The following DLGAP1 variants were observed in gnomAD, a reference collection of about 807,000 sequenced individuals.
DLGAP1 encodes the protein DLG associated protein 1.
In DLGAP1, 11 loss-of-function variants were observed where a neutral mutation model predicts 90.8. That is an observed-to-expected ratio of 0.12 (90% CI 0.08 to 0.20). The LOEUF (loss-of-function observed/expected upper bound fraction) is 0.20, where lower values mean the gene tolerates loss of function less well. Among genes scored for constraint, DLGAP1 ranks in the 10% least tolerant of loss-of-function variants. DLGAP1 has a pLI of 1.00. For missense variants in DLGAP1, 1,050 were observed against 1,333.8 expected, an observed-to-expected ratio of 0.79 and a Z score of 3.31; for synonymous variants, 558 against 540.7, an observed-to-expected ratio of 1.03 and a Z score of -0.44.
At chr18:3,633,994 A>G (rs553850668) in intron 7 of DLGAP1, among the ~76,000 whole-genome samples, 81 of 152,220 alleles carry the variant, frequency 5.3e-4, no homozygotes, top group Non-Finnish European at 1.0e-3. Flanking sequence ...AAGTAAAAAG[A>G]GCAATTTGCC....
At chr18:4,147,259 T>C (rs968735057) in intron 2 of DLGAP1, among the ~76,000 whole-genome samples, 2 of 152,170 alleles carry the variant, frequency 1.3e-5, no homozygotes, top group African/African-American at 4.8e-5. Flanking sequence ...AACTAAAATG[T>C]ACAATTTATC....
At chr18:3,913,557 A>C (rs893465300) in intron 3 of DLGAP1, among the ~76,000 whole-genome samples, 1 of 152,254 alleles carries the variant, frequency 6.6e-6, no homozygotes, top group East Asian at 1.9e-4. Context: ...TTCTATGCTA[A>C]TACAAGATCA....
chr18:3,991,552 G>C (rs1157860505), intron 3 of DLGAP1, among the ~76,000 whole-genome samples: 1 of 152,212 alleles, frequency 6.6e-6, no homozygotes, highest in East Asian at 1.9e-4. Flanking sequence ...CCAGATTTGA[G>C]TGGGGTCTCT....
intron 7 of DLGAP1, chr18:3,603,984 T>G (rs1470459416): frequency 6.5e-6 from 1 of 154,428 alleles, no homozygotes; most frequent in African/African-American, 2.4e-5. Context: ...CCCGATGCTG[T>G]CAGAGAGCGT....
chr18:4,092,939 C>T (rs1292789100), intron 2 of DLGAP1, among the ~76,000 whole-genome samples: 1 of 152,106 alleles, frequency 6.6e-6, no homozygotes, highest in Admixed American at 6.5e-5. Flanking sequence ...CTTCTTTTAA[C>T]TGTATGGAGC....
intron 3 of DLGAP1, among the ~76,000 whole-genome samples, chr18:3,933,691 C>A (rs2072569896): frequency 2.6e-5 from 4 of 152,188 alleles, no homozygotes; most frequent in Admixed American, 2.6e-4. Flanking sequence ...CCAGTCCCAC[C>A]TTGGGGAGAA....
intron 1 of DLGAP1, among the ~76,000 whole-genome samples, chr18:4,449,757 A>G (rs1399739847): frequency 2.6e-5 from 4 of 152,220 alleles, no homozygotes; most frequent in Non-Finnish European, 5.9e-5. Context: ...GTGCTAAAAC[A>G]GCATTCAGCT....
intron 1 of DLGAP1, among the ~76,000 whole-genome samples, chr18:4,323,486 G>A (rs905019612): frequency 1.3e-5 from 2 of 152,126 alleles, no homozygotes; most frequent in African/African-American, 4.8e-5. Context: ...GTATCCCCAT[G>A]TTCTTTGCAG....
At chr18:4,058,754 CT>C (rs2075258977) in intron 2 of DLGAP1, among the ~76,000 whole-genome samples, 1 of 152,200 alleles carries the variant, frequency 6.6e-6, no homozygotes, top group African/African-American at 2.4e-5. Context: ...TGTCCATGCC[CT>C]TTTCAATATG....
intron 3 of DLGAP1, among the ~76,000 whole-genome samples, chr18:3,886,962 G>A (rs540582010): frequency 6.2e-4 from 94 of 152,328 alleles, no homozygotes; most frequent in African/African-American, 2.2e-3. Flanking sequence ...ACAGTTTGAG[G>A]ATTAGAGAAA....
At chr18:4,362,404 A>G (rs757335755) in intron 1 of DLGAP1, among the ~76,000 whole-genome samples, 2 of 152,212 alleles carry the variant, frequency 1.3e-5, no homozygotes, top group African/African-American at 2.4e-5. Flanking sequence ...ATTCAGCCTT[A>G]AAAAGAAATA....
intron 3 of DLGAP1, among the ~76,000 whole-genome samples, chr18:3,924,179 A>G (rs1482298822): frequency 1.3e-5 from 2 of 152,224 alleles, no homozygotes; most frequent in South Asian, 2.1e-4. Flanking sequence ...CTCACGTCAT[A>G]TTAGCTACAT....
chr18:3,954,515 CAAG>C (rs2073047884), intron 3 of DLGAP1, among the ~76,000 whole-genome samples: 1 of 152,180 alleles, frequency 6.6e-6, no homozygotes, highest in African/African-American at 2.4e-5. Flanking sequence ...CTATTTCACA[CAAG>C]AAGGTGTCAG....
chr18:3,652,163 C>CA (rs756445206), intron 7 of DLGAP1, among the ~76,000 whole-genome samples: 31,507 of 93,166 alleles, frequency 0.34, 4,559 homozygotes, highest in African/African-American at 0.42. Context: ...GACTCTGTAT[C>CA]AAAAAAAAAA....
intron 3 of DLGAP1, among the ~76,000 whole-genome samples, chr18:3,902,797 T>C (rs1052746853): frequency 9.9e-5 from 15 of 152,178 alleles, no homozygotes; most frequent in Non-Finnish European, 2.1e-4. Context: ...AGTTCTCATA[T>C]ATAAACTATG....
chr18:4,175,536 T>C (rs2077092858), intron 1 of DLGAP1, among the ~76,000 whole-genome samples: 1 of 152,142 alleles, frequency 6.6e-6, no homozygotes, highest in Non-Finnish European at 1.5e-5. Context: ...TTTTCTAGGG[T>C]TTTTATGGTT....
At chr18:3,600,732 A>C (rs142831869) in intron 7 of DLGAP1, among the ~76,000 whole-genome samples, 5,403 of 33,700 alleles carry the variant, frequency 0.16, 1,887 homozygotes, top group Middle Eastern at 0.21. Context: ...AGATATAGAT[A>C]TATATAGATA....
At chr18:3,787,982 T>G (rs1225595488) in intron 5 of DLGAP1, among the ~76,000 whole-genome samples, 1 of 152,204 alleles carries the variant, frequency 6.6e-6, no homozygotes, top group Non-Finnish European at 1.5e-5. Context: ...GACTTAAATC[T>G]GTCAACACGC....
intron 5 of DLGAP1, among the ~76,000 whole-genome samples, chr18:3,806,714 G>T (rs573211850): frequency 9.2e-5 from 14 of 152,326 alleles, no homozygotes; most frequent in Non-Finnish European, 2.1e-4. Flanking sequence ...AAGAGAAGCC[G>T]TCCTGGAAGG....
Sources: gnomAD v4.1 joint callset for allele counts (sites outside exome capture counted in the v4.1 genomes callset) on GRCh38, gnomAD v4.1.1 for gene constraint, MANE v1.5 for transcripts, NCBI Gene and HGNC (gene_info 2026-07-23, HGNC 2026-07-21) for gene names.